ASTN2: variants seen among roughly 807,000 people sequenced by gnomAD.
The protein encoded by ASTN2 is astrotactin-2.
In ASTN2, 54 loss-of-function variants were observed where a neutral mutation model predicts 139.8. The observed-to-expected ratio is 0.39, with a 90% CI of 0.31 to 0.48. The LOEUF (loss-of-function observed/expected upper bound fraction) is 0.48. Among genes scored for constraint, ASTN2 ranks in the 20% least tolerant of loss-of-function variants. The pLI is 0.95. For synonymous variants in ASTN2, 756 were observed against 719.5 expected, an observed-to-expected ratio of 1.05 and a Z score of -0.81; for missense variants, 1,565 against 1,725.1, an observed-to-expected ratio of 0.91 and a Z score of 1.64.
chr9:116,559,888 CT>C (rs1281413310), intron 19 of ASTN2, among the ~76,000 whole-genome samples: 1 of 152,140 alleles, frequency 6.6e-6, no homozygotes, highest in Non-Finnish European at 1.5e-5. Flanking sequence ...GCATTTTCTT[CT>C]TCCTCTTTCT....
chr9:116,851,471 CATCTATCT>C (rs58927400), intron 11 of ASTN2, among the ~76,000 whole-genome samples: 23,248 of 148,868 alleles, frequency 0.16, 1,927 homozygotes, highest in East Asian at 0.26. Flanking sequence ...AATTGCTAAA[CATCTATCT>C]ATCTATCTAT....
chr9:117,076,651 G>A (rs1336006137), intron 5 of ASTN2, among the ~76,000 whole-genome samples: 1 of 152,102 alleles, frequency 6.6e-6, no homozygotes, highest in African/African-American at 2.4e-5. Flanking sequence ...AATAATTCAG[G>A]TGAAAATGAC....
intron 2 of ASTN2, among the ~76,000 whole-genome samples, chr9:117,252,078 C>A (rs769134152): frequency 2.4e-4 from 36 of 152,170 alleles, no homozygotes; most frequent in Non-Finnish European, 4.7e-4. Flanking sequence ...GAAGAGGTGT[C>A]TTTGGAAGAC....
chr9:117,194,829 G>C (rs962785820), intron 3 of ASTN2, among the ~76,000 whole-genome samples: 1 of 152,186 alleles, frequency 6.6e-6, no homozygotes, highest in African/African-American at 2.4e-5. Context: ...TTCTTTATGA[G>C]ATAGATGCAA....
At chr9:116,690,998 C>T (rs1340917474) in intron 16 of ASTN2, among the ~76,000 whole-genome samples, 1 of 152,112 alleles carries the variant, frequency 6.6e-6, no homozygotes, top group Non-Finnish European at 1.5e-5. Context: ...CAGTTCACTG[C>T]AGCCTCAACC....
chr9:116,498,610 G>C (rs1849750572), intron 19 of ASTN2, among the ~76,000 whole-genome samples: 1 of 150,670 alleles, frequency 6.6e-6, no homozygotes, highest in Non-Finnish European at 1.5e-5. Context: ...AAAAAAAAAA[G>C]GAGGATGTCA....
At chr9:116,710,701 C>T (rs969766068) in intron 16 of ASTN2, among the ~76,000 whole-genome samples, 3 of 141,790 alleles carry the variant, frequency 2.1e-5, no homozygotes, top group African/African-American at 8.0e-5. Flanking sequence ...CCATTGCACT[C>T]CAGCCTGGGC....
intron 2 of ASTN2, among the ~76,000 whole-genome samples, chr9:117,241,055 C>G (rs765951839): frequency 6.6e-6 from 1 of 152,194 alleles, no homozygotes; most frequent in Non-Finnish European, 1.5e-5. Flanking sequence ...GGACAATTCT[C>G]TCTATGCCAG....
intron 11 of ASTN2, among the ~76,000 whole-genome samples, chr9:116,848,818 A>C (rs1832513400): frequency 6.6e-6 from 1 of 152,076 alleles, no homozygotes; most frequent in Non-Finnish European, 1.5e-5. Flanking sequence ...GTGTCCTCTA[A>C]TTCAGTTCAA....
chr9:116,971,891 A>G (rs1206985272), intron 10 of ASTN2, among the ~76,000 whole-genome samples: 1 of 152,216 alleles, frequency 6.6e-6, no homozygotes, highest in African/African-American at 2.4e-5. Context: ...CAACTCCAGA[A>G]AAACTCCTGC....
At chr9:116,911,968 G>GT (rs1400796943) in intron 10 of ASTN2, among the ~76,000 whole-genome samples, 1 of 143,972 alleles carries the variant, frequency 6.9e-6, no homozygotes, top group Non-Finnish European at 1.6e-5. Flanking sequence ...TCTAAAATTA[G>GT]TTAAAAAAAA....
At chr9:116,964,216 G>GGGGGGT (rs1361325702) in intron 10 of ASTN2, among the ~76,000 whole-genome samples, 2 of 140,708 alleles carry the variant, frequency 1.4e-5, no homozygotes, top group Non-Finnish European at 1.5e-5. Context: ...ACTGCCCTGG[G>GGGGGGT]GTGTGTGTGT....
chr9:117,041,371 G>T (rs543010793), intron 5 of ASTN2, among the ~76,000 whole-genome samples: 1 of 152,108 alleles, frequency 6.6e-6, no homozygotes, highest in Admixed American at 6.5e-5. Flanking sequence ...TCAAAACAGG[G>T]TACATTATCT....
intron 1 of ASTN2, among the ~76,000 whole-genome samples, chr9:117,372,079 T>C (rs1162083495): frequency 6.6e-6 from 1 of 152,156 alleles, no homozygotes; most frequent in Admixed American, 6.5e-5. Context: ...GCAAAGTAGA[T>C]ACTGATATTT....
intron 19 of ASTN2, among the ~76,000 whole-genome samples, chr9:116,580,424 A>G (rs980482306): frequency 2.6e-5 from 4 of 152,162 alleles, no homozygotes. Context: ...CTGGGAGAAC[A>G]TTGATCAGGG....
At chr9:116,835,738 A>C (rs1831968544) in intron 11 of ASTN2, among the ~76,000 whole-genome samples, 1 of 152,196 alleles carries the variant, frequency 6.6e-6, no homozygotes, top group African/African-American at 2.4e-5. Context: ...TATTTGGCTC[A>C]GAATAAATCT....
At chr9:116,737,349 C>A (rs903616999) in intron 13 of ASTN2, among the ~76,000 whole-genome samples, 28 of 152,114 alleles carry the variant, frequency 1.8e-4, no homozygotes, top group African/African-American at 6.5e-4. Flanking sequence ...GAAGCCTAGA[C>A]AACAGCTGCA....
chr9:116,756,521 C>G (rs1313294828), intron 13 of ASTN2, among the ~76,000 whole-genome samples: 1 of 152,108 alleles, frequency 6.6e-6, no homozygotes, highest in African/African-American at 2.4e-5. Context: ...AATTCCAAGT[C>G]TAACAGATTT....
At chr9:116,557,756 A>C (rs182694351) in intron 19 of ASTN2, 2 of 152,358 alleles carry the variant, frequency 1.3e-5, no homozygotes, top group East Asian at 3.9e-4. Flanking sequence ...TATATAAAGA[A>C]TGTAATATCT....
Sources: gnomAD v4.1 joint callset for allele counts (sites outside exome capture counted in the v4.1 genomes callset) on GRCh38, gnomAD v4.1.1 for gene constraint, MANE v1.5 for transcripts, NCBI Gene and HGNC (gene_info 2026-07-23, HGNC 2026-07-21) for gene names.